The following TSHZ3 variants were observed in gnomAD, a reference collection of about 807,000 sequenced individuals.
The protein encoded by TSHZ3 is teashirt zinc finger homeobox 3.
Under a neutral mutation model 64.5 loss-of-function variants are expected in TSHZ3, and 10 were observed. That is an observed-to-expected ratio of 0.16 (90% confidence interval 0.10 to 0.26). TSHZ3 has a LOEUF of 0.26. TSHZ3 is among the 10% of genes least tolerant of loss of function. The probability of loss-of-function intolerance (pLI) is 1.00; values close to 1 mark genes in which losing one functional copy is unlikely to be tolerated. For missense variants in TSHZ3, 1,242 were observed against 1,421.7 expected (o/e 0.87, Z 2.03); for synonymous variants, 608 against 593.1 (o/e 1.03, Z -0.36).
chr19:31,223,500 A>AT (rs986378872), intron 4 of TSHZ3, among the ~76,000 whole-genome samples: 2 of 151,598 alleles, frequency 1.3e-5, no homozygotes, highest in Admixed American at 6.6e-5. Flanking sequence ...TGTTCTGTGG[A>AT]TTTTTTTTCC....
intron 5 of TSHZ3, among the ~76,000 whole-genome samples, chr19:31,166,288 C>A (rs1974451201): frequency 1.3e-5 from 2 of 152,154 alleles, no homozygotes; most frequent in South Asian, 4.1e-4. Context: ...TTTTCACAGT[C>A]AATTTCTGAA....
intron 4 of TSHZ3, among the ~76,000 whole-genome samples, chr19:31,212,892 C>T (rs887492236): frequency 1.3e-5 from 2 of 152,018 alleles, no homozygotes; most frequent in African/African-American, 4.8e-5. Context: ...TGTGGTACAC[C>T]CAGACAACAG....
At chr19:31,266,228 G>A (rs541313796) in intron 1 of TSHZ3, among the ~76,000 whole-genome samples, 8 of 152,082 alleles carry the variant, frequency 5.3e-5, no homozygotes, top group Admixed American at 3.9e-4. Flanking sequence ...TCTCTCAAAG[G>A]GCCTGCAACC....
intron 1 of TSHZ3, among the ~76,000 whole-genome samples, chr19:31,302,812 A>G (rs78688363): frequency 6.6e-6 from 1 of 152,316 alleles, no homozygotes; most frequent in African/African-American, 2.4e-5. Context: ...CCACAGTTCA[A>G]AACAGGAGCA....
At chr19:31,183,238 C>G (rs1215459387) in intron 5 of TSHZ3, among the ~76,000 whole-genome samples, 1 of 147,534 alleles carries the variant, frequency 6.8e-6, no homozygotes, top group Non-Finnish European at 1.5e-5. Context: ...TTCTCTCTCT[C>G]TCTCCATCCT....
chr19:31,199,836 T>C (rs1373435718), intron 5 of TSHZ3, among the ~76,000 whole-genome samples: 1 of 101,536 alleles, frequency 9.8e-6, no homozygotes, highest in African/African-American at 4.0e-5. Flanking sequence ...AGGATTGTTA[T>C]CCAAAATAAA....
intron 5 of TSHZ3, among the ~76,000 whole-genome samples, chr19:31,200,773 GCATGCACCACCA>G (rs1288623232): frequency 2.6e-5 from 4 of 152,154 alleles, no homozygotes; most frequent in Admixed American, 1.3e-4. Flanking sequence ...TGTAACAAAT[GCATGCACCACCA>G]CAGTGTGGGC....
intron 1 of TSHZ3, among the ~76,000 whole-genome samples, chr19:31,301,123 A>G (rs1272454734): frequency 1.3e-5 from 2 of 152,144 alleles, no homozygotes; most frequent in Admixed American, 1.3e-4. Flanking sequence ...CTACAATAGG[A>G]GTGATGGTGA....
intron 1 of TSHZ3, among the ~76,000 whole-genome samples, chr19:31,311,199 A>C (rs550746555): frequency 6.6e-6 from 1 of 152,374 alleles, no homozygotes; most frequent in Admixed American, 6.5e-5. Context: ...TATAAAAAGC[A>C]GATAAACTTC....
chr19:31,277,172 A>C lies in TSHZ3; in HGVS notation c.2621T>G (p.Ile874Ser), dbSNP rs1161596416. Residue 874 changes from isoleucine to serine, a missense_variant, in exon 2 of 2, where the codon ATT becomes AGT. This residue lies in a region of TSHZ3 where 550 missense variants were observed against 545.1 expected (regional missense o/e 1.01). Transcript: ENST00000240587. The surrounding 1 kb of genome is among the most constrained non-coding windows in gnomAD (Gnocchi z 4.5). ...TPSSISEKSD[I>S]DGATLEEAEE... ...AGCCTCCTCCAGAGTGGCCCCGTCA[A>C]TGTCAGACTTCTCGGAGATGCTGGA... 6.2e-7 allele frequency: 1 copy of C among 1,614,026 alleles called. No individual in the cohort carries two copies.
At chr19:31,248,652 A>AT (rs1392997715) in intron 1 of TSHZ3, among the ~76,000 whole-genome samples, 1 of 151,568 alleles carries the variant, frequency 6.6e-6, no homozygotes, top group East Asian at 1.9e-4. Context: ...CTAGCAAGGC[A>AT]TAGTGGCTTG....
intron 3 of TSHZ3, among the ~76,000 whole-genome samples, chr19:31,234,920 T>C (rs1189418198): frequency 1.3e-5 from 2 of 152,228 alleles, no homozygotes; most frequent in Non-Finnish European, 2.9e-5. Flanking sequence ...AAAAAGTCTG[T>C]GTAATATTGA....
intron 4 of TSHZ3, among the ~76,000 whole-genome samples, chr19:31,222,309 T>C (rs1297214156): frequency 6.6e-6 from 1 of 152,224 alleles, no homozygotes; most frequent in Non-Finnish European, 1.5e-5. Context: ...CAGTATATAT[T>C]GGAGTCCACA....
chr19:31,335,373 C>A (rs747819789), intron 1 of TSHZ3, among the ~76,000 whole-genome samples: 64 of 152,334 alleles, frequency 4.2e-4, no homozygotes, highest in Non-Finnish European at 3.2e-4. Flanking sequence ...ATGGCCAGGT[C>A]TCACGGAAGA....
At chr19:31,299,344 TATC>T (rs1976717050) in intron 1 of TSHZ3, among the ~76,000 whole-genome samples, 1 of 152,182 alleles carries the variant, frequency 6.6e-6, no homozygotes, top group South Asian at 2.1e-4. Flanking sequence ...AATGGGACAA[TATC>T]ATCACCTCCC....
intron 1 of TSHZ3, among the ~76,000 whole-genome samples, chr19:31,312,394 T>C (rs1241092007): frequency 2.6e-5 from 4 of 152,182 alleles, no homozygotes; most frequent in Non-Finnish European, 5.9e-5. Context: ...GATCCTCCAT[T>C]GCACTCATCA....
intron 1 of TSHZ3, among the ~76,000 whole-genome samples, chr19:31,344,800 C>T (rs1917537128): frequency 6.6e-6 from 1 of 152,202 alleles, no homozygotes; most frequent in South Asian, 2.1e-4. Context: ...TTCCCACAGC[C>T]CTGAGCAGTC....
At chr19:31,161,416 A>G (rs535720333) in intron 5 of TSHZ3, among the ~76,000 whole-genome samples, 2 of 152,342 alleles carry the variant, frequency 1.3e-5, no homozygotes, top group East Asian at 3.9e-4. Context: ...AAGTACATGC[A>G]TAGATATAAT....
chr19:31,321,457 G>A (rs979694370), intron 1 of TSHZ3, among the ~76,000 whole-genome samples: 1 of 152,360 alleles, frequency 6.6e-6, no homozygotes. Context: ...CACCTAGCAA[G>A]TGCATTTCTG....
Sources: gnomAD v4.1 joint callset for allele counts (sites outside exome capture counted in the v4.1 genomes callset) on GRCh38, gnomAD v4.1.1 for gene constraint, gnomAD v4.1.1 regional missense constraint, Gnocchi (gnomAD v3.1) non-coding constraint, MANE v1.5 for transcripts, NCBI Gene and HGNC (gene_info 2026-07-23, HGNC 2026-07-21) for gene names.